SFMBT2: variants seen among roughly 807,000 people sequenced by gnomAD.
SFMBT2 encodes scm-like with four MBT domains protein 2.
In SFMBT2, 38 loss-of-function variants were observed where a neutral mutation model predicts 110.1. The ratio of observed to expected loss-of-function variants is 0.35; its 90% CI spans 0.27 to 0.45. The LOEUF is 0.45. Ranked by LOEUF, SFMBT2 falls within the 20% of genes least tolerant of loss-of-function variation. The pLI is 1.00. For missense variants in SFMBT2, 1,011 were observed against 1,094.9 expected (o/e 0.92, Z 1.08); for synonymous variants, 425 against 425.4 (o/e 1.00, Z 0.01).
At chr10:7,300,570 G>A (rs955506945) in intron 4 of SFMBT2, among the ~76,000 whole-genome samples, 28 of 149,584 alleles carry the variant, frequency 1.9e-4, no homozygotes, top group Admixed American at 1.3e-3. Context: ...CACCCAGCCC[G>A]GGAATTTCCC....
Position 7,348,423 on chromosome 10 carries a change from T to C in SFMBT2, c.436+19226A>G, listed in dbSNP as rs986956250. 5.5e-6 allele frequency: 6 copies of C among 1,087,684 alleles called. No homozygotes were observed. The African/African-American group carries it at 6.5e-5, about 12-fold the overall frequency. 67.4% of individuals were successfully genotyped at this position (1,087,684 alleles called of 1,614,324 possible). A position where few individuals can be genotyped will look rare whatever the true frequency, so the allele number is the denominator to read the frequency against. The stretch of plus-strand genomic sequence containing the variant: ...TTTGGGGGGCTCTTCATAACTACTG[T>C]GTAAATATGTCATTAAGGGCTTTTC... On this transcript the variant is annotated intron_variant, in intron 4 of 20. Coordinates refer to ENST00000397167, the MANE Select transcript of SFMBT2 (RefSeq NM_001387889.1).
chr10:7,218,101 A>T (rs1325041488), intron 11 of SFMBT2, among the ~76,000 whole-genome samples: 1 of 152,226 alleles, frequency 6.6e-6, no homozygotes, highest in Non-Finnish European at 1.5e-5. Flanking sequence ...ACTTCAAATC[A>T]ATTTAATGCA....
rs1279965779 is a variant in SFMBT2 at position 7,205,796 on chromosome 10, T to A, written c.1444+19A>T. 5.0e-5 allele frequency: 81 copies of A among 1,610,336 alleles called. No individual in the cohort carries two copies. The highest frequency in any genetic ancestry group is 6.7e-5 in the Non-Finnish European group (79 of 1,177,450). On this transcript the variant is annotated intron_variant, in intron 12 of 20. Transcript: ENST00000397167. ...GATCACTGGTGTCATCCACCCCCCC[T>A]CAACTGGGAACCACTTACAGACTGT... is the stretch of plus-strand genomic sequence containing the variant.
At chr10:7,356,917 GC>G (rs1248324472) in intron 4 of SFMBT2, among the ~76,000 whole-genome samples, 1 of 152,152 alleles carries the variant, frequency 6.6e-6, no homozygotes. Flanking sequence ...AAATGTCTCT[GC>G]CTCTTCTTCC....
At chr10:7,402,848 T>TA (rs1846115287) in intron 1 of SFMBT2, among the ~76,000 whole-genome samples, 1 of 152,214 alleles carries the variant, frequency 6.6e-6, no homozygotes, top group Non-Finnish European at 1.5e-5. Flanking sequence ...CACTCTAAAA[T>TA]GTCCTCATCA....
intron 1 of SFMBT2, among the ~76,000 whole-genome samples, chr10:7,401,858 C>T (rs1252793953): frequency 2.0e-5 from 3 of 152,206 alleles, no homozygotes; most frequent in Non-Finnish European, 2.9e-5. Context: ...CGCCATTCCA[C>T]GGGACATTTC....
At position 7,283,952 on chromosome 10, in the gene SFMBT2, G is replaced by T. The variant is rs761874507; in HGVS notation, c.724C>A (p.Pro242Thr). 4.4e-6 allele frequency: 7 copies of T among 1,607,296 alleles called. No individual in the cohort carries two copies. The highest frequency in any genetic ancestry group is 6.0e-6 in the Non-Finnish European group (7 of 1,173,744). The change falls in exon 6 of 21, where the codon CCA (proline) becomes ACA (threonine). Residue 242 changes from proline to threonine, a missense_variant. By Grantham distance (38) the Pro-to-Thr change is conservative. Around this residue, in one of 2 missense-constraint regions of SFMBT2, gnomAD observed 979 missense variants for 1,016.1 expected, o/e 0.96. Coordinates refer to ENST00000397167, the MANE Select transcript of SFMBT2 (RefSeq NM_001387889.1). ...WLFYLDYRLRPVGWCQENKYR... is the reference protein window; with the variant it reads ...WLFYLDYRLRTVGWCQENKYR... Reference sequence around the variant, plus strand: ...TTATTCTCTTGACACCAACCAACTGGTCGAAGTCTGTAATCCAAGTAAAAC... The same window carrying T: ...TTATTCTCTTGACACCAACCAACTGTTCGAAGTCTGTAATCCAAGTAAAAC...
intron 7 of SFMBT2, among the ~76,000 whole-genome samples, chr10:7,274,459 A>C (rs1841702989): frequency 6.6e-6 from 1 of 152,190 alleles, no homozygotes; most frequent in African/African-American, 2.4e-5. Flanking sequence ...CTCCCATGCT[A>C]TTCTCCTGAT....
At chr10:7,377,457 CTAT>C (rs1198371130) in intron 2 of SFMBT2, among the ~76,000 whole-genome samples, 1 of 152,110 alleles carries the variant, frequency 6.6e-6, no homozygotes, top group African/African-American at 2.4e-5. Context: ...CACTTTATTT[CTAT>C]TATTATTACA....
intron 4 of SFMBT2, among the ~76,000 whole-genome samples, chr10:7,346,112 T>A (rs1412016360): frequency 1.3e-5 from 2 of 152,248 alleles, no homozygotes; most frequent in Non-Finnish European, 1.5e-5. Context: ...CAGCAGAAGC[T>A]ACTGGCCTAA....
chr10:7,329,561 C>T (rs1458072452), intron 4 of SFMBT2: 5 of 964,670 alleles, frequency 5.2e-6, no homozygotes, highest in South Asian at 4.8e-5. Context: ...ACTGCCCTAG[C>T]GCCCAGGGGC....
At chr10:7,258,303 T>C (rs1338433649) in intron 7 of SFMBT2, among the ~76,000 whole-genome samples, 1 of 152,178 alleles carries the variant, frequency 6.6e-6, no homozygotes, top group Non-Finnish European at 1.5e-5. Flanking sequence ...GCAGCAGCAA[T>C]CTCAGTGTCA....
At chr10:7,180,733 G>A (rs1838219824) in intron 16 of SFMBT2, among the ~76,000 whole-genome samples, 1 of 151,974 alleles carries the variant, frequency 6.6e-6, no homozygotes, top group Non-Finnish European at 1.5e-5. Flanking sequence ...AGTGCGGGAG[G>A]GACGCAGGGG....
At position 7,302,586 on chromosome 10, in the gene SFMBT2, C is replaced by A; in HGVS notation, c.437-16632G>T. ...GATGCATGCCTGGGCAATTAACTGG[C>A]TTGATTCTTGTTTTTATGAGAAAGA... On this transcript the variant is annotated intron_variant, in intron 4 of 20. Transcript: ENST00000397167. Among the ~76,000 whole-genome samples, 2 of 152,136 alleles carry A rather than the reference C, an allele frequency of 1.3e-5. 1 individual carries two copies.
At chr10:7,393,535 A>G (rs1457704708) in intron 1 of SFMBT2, among the ~76,000 whole-genome samples, 5 of 152,212 alleles carry the variant, frequency 3.3e-5, no homozygotes, top group Non-Finnish European at 7.3e-5. Flanking sequence ...CGTCCCAGGC[A>G]TTCTACTGTG....
chr10:7,388,071 G>A (rs1292286710), intron 1 of SFMBT2, among the ~76,000 whole-genome samples: 2 of 152,112 alleles, frequency 1.3e-5, no homozygotes, highest in African/African-American at 4.8e-5. Flanking sequence ...GGAACGTGGA[G>A]CAAGCGGCAT....
intron 7 of SFMBT2, chr10:7,249,204 AC>A (rs1342611151): frequency 2.2e-5 from 5 of 232,432 alleles, no homozygotes; most frequent in Non-Finnish European, 2.8e-5. Flanking sequence ...AAGAATCCAA[AC>A]CTGCCCCACA....
chr10:7,318,115 T>C (rs1307514315), intron 4 of SFMBT2, among the ~76,000 whole-genome samples: 1 of 152,256 alleles, frequency 6.6e-6, no homozygotes, highest in Non-Finnish European at 1.5e-5. Flanking sequence ...CTTGTAGGTC[T>C]GACCATGAAA....
intron 7 of SFMBT2, among the ~76,000 whole-genome samples, chr10:7,270,769 G>A (rs1003265798): frequency 1.3e-5 from 2 of 152,104 alleles, no homozygotes; most frequent in Non-Finnish European, 2.9e-5. Flanking sequence ...GAGGGAAGAA[G>A]GTAAGGTAAT....
Sources: allele counts gnomAD v4.1 joint callset (sites outside exome capture counted in the v4.1 genomes callset), GRCh38; gene constraint gnomAD v4.1.1; regional missense constraint gnomAD v4.1.1; transcripts MANE v1.5; gene names NCBI Gene and HGNC (gene_info 2026-07-23, HGNC 2026-07-21).